Variants in PTPRN2 observed in about 807,000 individuals in gnomAD.
The protein encoded by PTPRN2 is receptor-type tyrosine-protein phosphatase N2.
In PTPRN2, 74 loss-of-function variants were observed where a neutral mutation model predicts 118.8. The observed-to-expected ratio is 0.62, with a 90% CI of 0.52 to 0.76. The LOEUF is 0.76. PTPRN2 is among the 30% of genes least tolerant of loss of function. The pLI is 0.00. For missense variants in PTPRN2, 1,481 were observed against 1,394.4 expected, an observed-to-expected ratio of 1.06 and a Z score of -0.99; for synonymous variants, 641 against 608.0, an observed-to-expected ratio of 1.05 and a Z score of -0.80.
Position 157,556,704 on chromosome 7 carries a change from T to C in PTPRN2, c.2903-7685A>G, listed in dbSNP as rs944239604. 2.9e-5 allele frequency among the ~76,000 whole-genome samples: 4 copies of C among 138,936 alleles called. No individual in the cohort carries two copies. In the Admixed American group the frequency reaches 2.9e-4, roughly 10 times the overall value. 91.1% of individuals were successfully genotyped at this position (138,936 alleles called of 152,430 possible). On this transcript the variant is annotated intron_variant, in intron 21 of 22. Coordinates refer to ENST00000389418, the MANE Select transcript of PTPRN2 (RefSeq NM_002847.5). ...TCACATACACACATGCCCACACACA[T>C]ATACACATGTGTGCACATGCCCACA... is the stretch of plus-strand genomic sequence containing the variant.
intron 2 of PTPRN2, among the ~76,000 whole-genome samples, chr7:158,388,990 G>A (rs762218029): frequency 6.6e-5 from 10 of 152,358 alleles, no homozygotes; most frequent in South Asian, 2.1e-4. Flanking sequence ...GGCTAAGCTC[G>A]GACTGGCGAT....
At chr7:158,472,901 G>A (rs184086533) in intron 2 of PTPRN2, among the ~76,000 whole-genome samples, 86 of 152,194 alleles carry the variant, frequency 5.7e-4, no homozygotes, top group East Asian at 1.4e-3. Flanking sequence ...TAGAGAACCC[G>A]GCTGCAAATC....
intron 12 of PTPRN2, among the ~76,000 whole-genome samples, chr7:157,786,049 C>T (rs891545195): frequency 6.6e-6 from 1 of 152,154 alleles, no homozygotes; most frequent in Admixed American, 6.5e-5. Flanking sequence ...TCCTCTGCCC[C>T]CTGTGGGGCA....
intron 1 of PTPRN2, among the ~76,000 whole-genome samples, chr7:158,541,171 C>T (rs966494522): frequency 2.6e-5 from 4 of 152,158 alleles, no homozygotes; most frequent in African/African-American, 9.7e-5. Context: ...CCTCATAAAT[C>T]GGTGCTTCTC....
chr7:158,403,589 C>T (rs930775762), intron 2 of PTPRN2, among the ~76,000 whole-genome samples: 4 of 152,224 alleles, frequency 2.6e-5, no homozygotes. Context: ...ACGTCAATCA[C>T]CACAGAGAGG....
chr7:157,914,255 C>CT (rs1798269992), intron 11 of PTPRN2, among the ~76,000 whole-genome samples: 1 of 152,136 alleles, frequency 6.6e-6, no homozygotes, highest in South Asian at 2.1e-4. Context: ...GAGAGATTCT[C>CT]TGTCTTTGAG....
At chr7:158,054,613 G>A (rs1322895545) in intron 11 of PTPRN2, among the ~76,000 whole-genome samples, 1 of 152,204 alleles carries the variant, frequency 6.6e-6, no homozygotes, top group Non-Finnish European at 1.5e-5. Flanking sequence ...CCAGAATCTG[G>A]CAACCAGGAG....
At chr7:157,822,671 A>T (rs749244410) in intron 12 of PTPRN2, among the ~76,000 whole-genome samples, 6 of 151,944 alleles carry the variant, frequency 3.9e-5, no homozygotes, top group South Asian at 2.1e-4. Flanking sequence ...CCATGCATCC[A>T]TCTACACACT....
chr7:158,492,520 AC>A (rs1294714284), intron 1 of PTPRN2, among the ~76,000 whole-genome samples: 1 of 152,204 alleles, frequency 6.6e-6, no homozygotes, highest in Non-Finnish European at 1.5e-5. Flanking sequence ...ACCACCTGTT[AC>A]TGGCATGTGC....
At chr7:157,668,416 C>G (rs368301747) in intron 13 of PTPRN2, among the ~76,000 whole-genome samples, 1 of 152,206 alleles carries the variant, frequency 6.6e-6, no homozygotes, top group Non-Finnish European at 1.5e-5. Context: ...TGAATGAAGC[C>G]GTGTTGCCCG....
chr7:158,128,998 A>G (rs1267499653), intron 9 of PTPRN2, among the ~76,000 whole-genome samples: 2 of 151,704 alleles, frequency 1.3e-5, no homozygotes, highest in Non-Finnish European at 2.9e-5. Flanking sequence ...AACACACACC[A>G]CACCATGCAA....
chr7:158,577,731 A>T (rs1828415902), intron 1 of PTPRN2, among the ~76,000 whole-genome samples: 1 of 152,270 alleles, frequency 6.6e-6, no homozygotes, highest in South Asian at 2.1e-4. Context: ...AATGGGGTCC[A>T]CCAGAGCCAC....
At chr7:158,301,886 G>T (rs764562502) in intron 3 of PTPRN2, among the ~76,000 whole-genome samples, 1 of 152,122 alleles carries the variant, frequency 6.6e-6, no homozygotes, top group Non-Finnish European at 1.5e-5. Flanking sequence ...GGAGGCAGAG[G>T]TTGCAGTAAG....
intron 12 of PTPRN2, among the ~76,000 whole-genome samples, chr7:157,879,138 C>T (rs1352816986): frequency 1.4e-4 from 21 of 148,344 alleles, no homozygotes; most frequent in African/African-American, 2.3e-4. Flanking sequence ...CTCTCGGATT[C>T]CGTGGGGCTG....
chr7:157,742,869 A>C (rs945226195), intron 12 of PTPRN2, among the ~76,000 whole-genome samples: 7 of 152,206 alleles, frequency 4.6e-5, no homozygotes, highest in African/African-American at 1.7e-4. Context: ...GTAATTCCAA[A>C]GTATTGATAT....
chr7:158,517,063 G>T lies in PTPRN2; in HGVS notation c.113-27278C>A, dbSNP rs141691303. On this transcript the variant is annotated intron_variant, in intron 1 of 22. Coordinates refer to ENST00000389418, the MANE Select transcript of PTPRN2 (RefSeq NM_002847.5). This position sits in a 1 kb window ranked among gnomAD's most constrained non-coding sequence, Gnocchi z 5.3. ...CTGGGGCACCTTGGGCCCCAGCATGGTGCCTCACTGATTTTGGACTGGGCA... is the reference window on the plus strand; with the variant it reads ...CTGGGGCACCTTGGGCCCCAGCATGTTGCCTCACTGATTTTGGACTGGGCA... 2.6e-5 allele frequency among the ~76,000 whole-genome samples: 4 copies of T among 152,272 alleles called. No individual in the cohort carries two copies. The East Asian group carries it at 7.7e-4, about 29-fold the overall frequency.
chr7:158,293,469 G>C (rs113240810), intron 3 of PTPRN2, among the ~76,000 whole-genome samples: 1 of 151,800 alleles, frequency 6.6e-6, no homozygotes, highest in Admixed American at 6.6e-5. Flanking sequence ...CCAGGTACTC[G>C]GGAGGCTGAG....
At chr7:157,969,974 C>T (rs551860732) in intron 11 of PTPRN2, among the ~76,000 whole-genome samples, 77 of 152,148 alleles carry the variant, frequency 5.1e-4, no homozygotes, top group African/African-American at 1.7e-3. Flanking sequence ...AGGGACTTAA[C>T]ACAGCCACCA....
intron 3 of PTPRN2, among the ~76,000 whole-genome samples, chr7:158,264,210 C>T (rs1028096130): frequency 1.1e-4 from 17 of 152,316 alleles, no homozygotes; most frequent in Admixed American, 3.3e-4. Context: ...GAGTTGGTAA[C>T]GACCGCCTGA....
Sources: allele counts gnomAD v4.1 joint callset (sites outside exome capture counted in the v4.1 genomes callset), GRCh38; gene constraint gnomAD v4.1.1; non-coding constraint Gnocchi (gnomAD v3.1); transcripts MANE v1.5; gene names NCBI Gene and HGNC (gene_info 2026-07-23, HGNC 2026-07-21).